The following RFX8 variants were observed in gnomAD, a reference collection of about 807,000 sequenced individuals.
The protein encoded by RFX8 is DNA-binding protein RFX8.
A neutral mutation model predicts 54.6 loss-of-function variants in RFX8; 46 were observed. The observed-to-expected ratio is 0.84, with a 90% CI of 0.67 to 1.08. RFX8 has a LOEUF of 1.08. RFX8 is among the 50% of genes least tolerant of loss of function. The pLI is 0.00. For missense variants in RFX8, 536 were observed against 562.3 expected (o/e 0.95, Z 0.47); for synonymous variants, 192 against 209.5 (o/e 0.92, Z 0.72).
intron 1 of RFX8, among the ~76,000 whole-genome samples, chr2:101,473,160 C>T (rs1006618664): frequency 2.0e-5 from 3 of 152,212 alleles, no homozygotes; most frequent in Non-Finnish European, 4.4e-5. Context: ...AGTGAGTTCA[C>T]AAGCGGTCTT....
chr2:101,434,564 A>G (rs970187055), intron 2 of RFX8, among the ~76,000 whole-genome samples: 1 of 152,052 alleles, frequency 6.6e-6, no homozygotes, highest in African/African-American at 2.4e-5. Flanking sequence ...GTTGCATTGC[A>G]CGGGCGTCTG....
chr2:101,461,290 A>G (rs1279186402), intron 2 of RFX8, among the ~76,000 whole-genome samples: 1 of 150,486 alleles, frequency 6.6e-6, no homozygotes, highest in Non-Finnish European at 1.5e-5. Context: ...AAAGAAAGAA[A>G]AAGAAAAAGA....
chr2:101,406,071 G>A lies in RFX8; in HGVS notation c.814-14C>T. 2.7e-6 allele frequency: 4 copies of A among 1,485,856 alleles called. No homozygotes were observed. The South Asian group carries it at 5.1e-5, about 19-fold the overall frequency. The allele number at this position is 1,485,856 out of a possible 1,614,324, so 92.0% of individuals were successfully genotyped here. A position where few individuals can be genotyped will look rare whatever the true frequency, so the allele number is the denominator to read the frequency against. ...GCTTCTGCTTGTCTGTTAAGTTTTT[G>A]TGAGAAAAAAGGCTGCAGTTTGTAA... On this transcript the variant is annotated splice_polypyrimidine_tract_variant and intron_variant, in intron 9 of 11. Coordinates refer to ENST00000428343, the MANE Select transcript of RFX8 (RefSeq NM_001145664.2).
intron 2 of RFX8, among the ~76,000 whole-genome samples, chr2:101,460,839 A>G (rs184484194): frequency 1.3e-5 from 2 of 151,446 alleles, no homozygotes; most frequent in Non-Finnish European, 2.9e-5. Flanking sequence ...CTCTTCCTGC[A>G]GGAAGTCCAC....
chr2:101,406,358 T>C (rs1362744940), intron 9 of RFX8, among the ~76,000 whole-genome samples: 4 of 151,796 alleles, frequency 2.6e-5, no homozygotes, highest in Non-Finnish European at 5.9e-5. Flanking sequence ...TTTTGAGACA[T>C]GGTCTTCCTG....
At chr2:101,471,780 G>A (rs1213984213) in intron 1 of RFX8, among the ~76,000 whole-genome samples, 2 of 152,218 alleles carry the variant, frequency 1.3e-5, no homozygotes, top group African/African-American at 4.8e-5. Context: ...CCTTTCTCCT[G>A]GGAGAATTTA....
At chr2:101,472,466 T>C (rs1187026900) in intron 1 of RFX8, among the ~76,000 whole-genome samples, 1 of 152,020 alleles carries the variant, frequency 6.6e-6, no homozygotes, top group Non-Finnish European at 1.5e-5. Context: ...TCCTCCCCAA[T>C]GAAAAGGTGA....
At chr2:101,459,198 T>C (rs1369001820) in intron 2 of RFX8, among the ~76,000 whole-genome samples, 1 of 152,226 alleles carries the variant, frequency 6.6e-6, no homozygotes, top group Non-Finnish European at 1.5e-5. Flanking sequence ...ACCGACCTTC[T>C]GAAGCCTATT....
rs149261942 is a variant in RFX8 at position 101,457,018 on chromosome 2, G to A, written c.72+9759C>T. Among the ~76,000 whole-genome samples the A allele has an allele frequency of 4.9e-4, 75 of 152,228 alleles. No individual in the cohort carries two copies. In the East Asian group the frequency reaches 0.011, roughly 22 times the overall value. On this transcript the variant is annotated intron_variant, in intron 2 of 11. Coordinates refer to ENST00000428343, the MANE Select transcript of RFX8 (RefSeq NM_001145664.2). ...AGAGGTGTTTATACTATTCTCTGAC[G>A]GTAGTTTGTATTTCTGTGGGATCGG...
chr2:101,408,929 C>G (rs570792201), intron 9 of RFX8, among the ~76,000 whole-genome samples: 1 of 152,204 alleles, frequency 6.6e-6, no homozygotes. Flanking sequence ...GGCCACAACA[C>G]GGCCAGAAGC....
chr2:101,410,634 T>C lies in RFX8; in HGVS notation c.798A>G (p.Gln266=), dbSNP rs1053153266. ...AGCTTCCTACCTGGAACACAAATGC[T>C]TGGAGATGTGAAGACAGACAGCTGA... ...VFLSCLSSHL[Q]AFVFQTSRSK... is the part of the protein sequence containing the mutation. Residue 266 remains glutamine (Q), a synonymous_variant, in exon 9 of 12, where the codon CAA becomes CAG. Coordinates refer to ENST00000428343, the MANE Select transcript of RFX8 (RefSeq NM_001145664.2). The C allele has an allele frequency of 2.0e-6, 3 of 1,531,606 alleles. No individual in the cohort carries two copies. In the African/African-American group the frequency reaches 4.1e-5, roughly 21 times the overall value. The allele number at this position is 1,531,606 out of a possible 1,614,324, so 94.9% of individuals were successfully genotyped here. A position where few individuals can be genotyped will look rare whatever the true frequency, so the allele number is the denominator to read the frequency against.
At chr2:101,426,483 C>T (rs1687175641) in intron 2 of RFX8, among the ~76,000 whole-genome samples, 1 of 152,192 alleles carries the variant, frequency 6.6e-6, no homozygotes, top group African/African-American at 2.4e-5. Context: ...CGTGCCACTG[C>T]TCTCCAGCCT....
chr2:101,410,403 A>ACT (rs1467406919), intron 9 of RFX8, among the ~76,000 whole-genome samples: 2 of 126,270 alleles, frequency 1.6e-5, no homozygotes, highest in East Asian at 4.8e-4. Context: ...ACACACACAC[A>ACT]CACACACACA....
chr2:101,445,935 C>T (rs1176377626), intron 2 of RFX8, among the ~76,000 whole-genome samples: 1 of 152,036 alleles, frequency 6.6e-6, no homozygotes, highest in African/African-American at 2.4e-5. Flanking sequence ...TATTTTGAGA[C>T]CTAATTTTTA....
At chr2:101,446,267 C>T (rs1373518113) in intron 2 of RFX8, among the ~76,000 whole-genome samples, 1 of 152,122 alleles carries the variant, frequency 6.6e-6, no homozygotes, top group East Asian at 1.9e-4. Context: ...CCTCCACCTC[C>T]CAGGTTCAAG....
chr2:101,456,580 T>C (rs1162018056), intron 2 of RFX8, among the ~76,000 whole-genome samples: 1 of 152,208 alleles, frequency 6.6e-6, no homozygotes, highest in African/African-American at 2.4e-5. Flanking sequence ...TCATAGTGGA[T>C]AAGCTTTTTG....
intron 2 of RFX8, among the ~76,000 whole-genome samples, chr2:101,464,549 T>C (rs1689472855): frequency 6.6e-6 from 1 of 152,182 alleles, no homozygotes; most frequent in Non-Finnish European, 1.5e-5. Context: ...ATCATATCCT[T>C]TTCCCTTCCC....
intron 1 of RFX8, among the ~76,000 whole-genome samples, chr2:101,470,491 A>G (rs186480993): frequency 1.3e-4 from 20 of 152,254 alleles, no homozygotes; most frequent in Admixed American, 1.2e-3. Context: ...ACACCTGGAA[A>G]TAAAGCCTGT....
intron 2 of RFX8, among the ~76,000 whole-genome samples, chr2:101,431,620 C>T (rs894677561): frequency 6.6e-6 from 1 of 152,190 alleles, no homozygotes; most frequent in African/African-American, 2.4e-5. Flanking sequence ...CTTAAAGGAA[C>T]GACAAGGAAA....
Sources: gnomAD v4.1 joint callset for allele counts (sites outside exome capture counted in the v4.1 genomes callset) on GRCh38, gnomAD v4.1.1 for gene constraint, MANE v1.5 for transcripts, NCBI Gene and HGNC (gene_info 2026-07-23, HGNC 2026-07-21) for gene names.